Variants in DPP6 observed in about 807,000 individuals in gnomAD.
DPP6 encodes the protein A-type potassium channel modulatory protein DPP6.
In DPP6, 69 loss-of-function variants were observed where a neutral mutation model predicts 122.6. That is an observed-to-expected ratio of 0.56 (90% CI 0.46 to 0.69). The LOEUF is 0.69. Among genes scored for constraint, DPP6 ranks in the 30% least tolerant of loss-of-function variants. The pLI is 0.00. For missense variants in DPP6, 928 were observed against 1,116.9 expected (o/e 0.83, Z 2.41); for synonymous variants, 418 against 433.1 (o/e 0.97, Z 0.43).
At chr7:154,416,438 T>C (rs558824135) in intron 1 of DPP6, among the ~76,000 whole-genome samples, 3 of 152,164 alleles carry the variant, frequency 2.0e-5, no homozygotes, top group Non-Finnish European at 4.4e-5. Context: ...TACAGGAAGA[T>C]ATTTTGTGAC....
rs1364119492 is a variant in DPP6 at position 154,589,080 on chromosome 7, T to C, written c.627+22164T>C. Reference sequence around the variant, plus strand: ...TTACAGCTTCTGTTCCTGTTTGAAATATCATTTGGAAACCTGATCACACCC... The same window carrying C: ...TTACAGCTTCTGTTCCTGTTTGAAACATCATTTGGAAACCTGATCACACCC... On this transcript the variant is annotated intron_variant, in intron 5 of 25. Coordinates refer to ENST00000377770, the MANE Select transcript of DPP6 (RefSeq NM_130797.4). Among the ~76,000 whole-genome samples the C allele has an allele frequency of 2.6e-5, 4 of 152,214 alleles. No individual in the cohort carries two copies. The East Asian group carries it at 7.7e-4, about 29-fold the overall frequency.
chr7:153,882,475 G>T (rs75246651), upstream of DPP6, among the ~76,000 whole-genome samples: 3 of 152,340 alleles, frequency 2.0e-5, no homozygotes, highest in African/African-American at 7.2e-5. Context: ...AAATAACACT[G>T]ATAAAGTGAC....
At position 154,867,832 on chromosome 7, in the gene DPP6, G is replaced by A. The variant is rs10243586; in HGVS notation, c.1715-163G>A. Among the ~76,000 whole-genome samples the A allele has an allele frequency of 0.14, 21,057 of 152,100 alleles. 2,016 individuals carry two copies. The highest frequency in any genetic ancestry group is 0.27 in the African/African-American group (11,187 of 41,428). Reference sequence around the variant, plus strand: ...AGGCTTTTGAGCGCATAACTTGAGCGTGTTTTTTAATGCCCAGTTTCTTTT... The same window carrying A: ...AGGCTTTTGAGCGCATAACTTGAGCATGTTTTTTAATGCCCAGTTTCTTTT... On this transcript the variant is annotated intron_variant, in intron 17 of 25. Coordinates refer to ENST00000377770, the MANE Select transcript of DPP6 (RefSeq NM_130797.4).
At chr7:154,874,756 G>A (rs1804708007) in intron 19 of DPP6, among the ~76,000 whole-genome samples, 1 of 152,192 alleles carries the variant, frequency 6.6e-6, no homozygotes, top group Non-Finnish European at 1.5e-5. Flanking sequence ...AGGGAGGCAG[G>A]CTGGACCTGG....
chr7:153,833,534 G>A, the DPP6 span, among the ~76,000 whole-genome samples: 5 of 152,076 alleles, frequency 3.3e-5, no homozygotes, highest in Admixed American at 6.6e-5. Flanking sequence ...ATTAGCCAGC[G>A]TGGTGGCGTG....
chr7:154,313,764 T>C, intron 1 of DPP6, among the ~76,000 whole-genome samples: 1 of 135,244 alleles, frequency 7.4e-6, no homozygotes, highest in Non-Finnish European at 1.6e-5. Context: ...CTTACATATA[T>C]ATGTAGTACT....
At chr7:154,890,898 A>G (rs28538686) in intron 25 of DPP6, 46,395 of 152,174 alleles carry the variant, frequency 0.3, 8,626 homozygotes, top group East Asian at 0.56. Flanking sequence ...AAACATACAA[A>G]GAAGGCAGGA....
chr7:154,160,959 C>T (rs922366896), intron 1 of DPP6, among the ~76,000 whole-genome samples: 23 of 152,078 alleles, frequency 1.5e-4, no homozygotes, highest in African/African-American at 5.6e-4. Flanking sequence ...AATTAAGTGC[C>T]TACAATTCCC....
chr7:154,755,766 A>G lies in DPP6; in HGVS notation c.884-13651A>G, dbSNP rs140510349. On this transcript the variant is annotated intron_variant, in intron 8 of 25. Transcript: ENST00000377770. This position sits in a 1 kb window ranked among gnomAD's most constrained non-coding sequence, Gnocchi z 4.7. ...CTGTAAATCTTGATAGGAAGAAGGA[A>G]AAGGTCAGGATGTTGCCGAGCCCTT... 2.4e-3 allele frequency among the ~76,000 whole-genome samples: 364 copies of G among 152,342 alleles called. No homozygotes were observed. The highest frequency in any genetic ancestry group is 8.4e-3 in the African/African-American group (348 of 41,578).
intron 1 of DPP6, chr7:154,305,162 C>T (rs866527870): frequency 6.0e-6 from 5 of 833,360 alleles, no homozygotes; most frequent in Non-Finnish European, 7.3e-6. Context: ...GCGCATCACT[C>T]GGGTCCCCTT....
intron 3 of DPP6, among the ~76,000 whole-genome samples, chr7:154,480,353 C>T (rs368642749): frequency 9.2e-5 from 14 of 152,264 alleles, no homozygotes; most frequent in African/African-American, 2.4e-4. Context: ...TAGGCTACCA[C>T]GCCCAGCACT....
chr7:154,508,683 C>T (rs1825838525), intron 3 of DPP6, among the ~76,000 whole-genome samples: 1 of 152,116 alleles, frequency 6.6e-6, no homozygotes, highest in South Asian at 2.1e-4. Flanking sequence ...GGCACACAGT[C>T]CCCAACTAAC....
chr7:154,059,015 A>C (rs1585257092), intron 1 of DPP6: 1 of 131,168 alleles, frequency 7.6e-6, no homozygotes, highest in African/African-American at 3.1e-5. Flanking sequence ...GGCTCTTAGG[A>C]CCCCCATCGC....
intron 1 of DPP6, among the ~76,000 whole-genome samples, chr7:153,974,030 G>C (rs1238146426): frequency 6.6e-6 from 1 of 151,956 alleles, no homozygotes; most frequent in African/African-American, 2.4e-5. Context: ...GTGCTCAGAA[G>C]GGGGACTTAC....
intron 5 of DPP6, chr7:154,588,128 C>T (rs765281997): frequency 6.4e-7 from 1 of 1,569,534 alleles, no homozygotes; most frequent in Non-Finnish European, 8.7e-7. Flanking sequence ...TCCTTCAACA[C>T]TGGTGGAGAG....
At chr7:154,793,836 A>T (rs1299150015) in intron 10 of DPP6, 2 of 476,112 alleles carry the variant, frequency 4.2e-6, no homozygotes, top group East Asian at 8.2e-5. Context: ...ACACGCAGTG[A>T]CATGCAACTC....
intron 1 of DPP6, among the ~76,000 whole-genome samples, chr7:154,236,406 G>C (rs901833150): frequency 6.6e-6 from 1 of 152,010 alleles, no homozygotes; most frequent in African/African-American, 2.4e-5. Flanking sequence ...AACCTAAATG[G>C]CCAGAAAGCT....
rs1488815616 is a variant in DPP6, at chr7:154,061,013, G to C, written c.243+7950G>C. Among the ~76,000 whole-genome samples, 3 of 149,176 alleles carry C rather than the reference G, an allele frequency of 2.0e-5. No homozygotes were observed. In the South Asian group the frequency reaches 6.4e-4, roughly 32 times the overall value. On this transcript the variant is annotated intron_variant, in intron 1 of 25. Coordinates refer to ENST00000377770, the MANE Select transcript of DPP6 (RefSeq NM_130797.4). ...TGGGTATTAGGTGTCCAAGTAGAGA[G>C]TTCAAATCTTCTGACGGCAGGTACC...
At chr7:154,778,140 G>A (rs34259212) in intron 10 of DPP6, among the ~76,000 whole-genome samples, 48,030 of 151,996 alleles carry the variant, frequency 0.32, 7,924 homozygotes, top group Non-Finnish European at 0.37. Context: ...GGGTATGTGC[G>A]CGCTTACTTT....
Sources: allele counts gnomAD v4.1 joint callset (sites outside exome capture counted in the v4.1 genomes callset), GRCh38; gene constraint gnomAD v4.1.1; non-coding constraint Gnocchi (gnomAD v3.1); transcripts MANE v1.5; gene names NCBI Gene and HGNC (gene_info 2026-07-23, HGNC 2026-07-21).